The following DIP2C variants were observed in gnomAD, a reference collection of about 807,000 sequenced individuals.
The protein encoded by DIP2C is DIP2 acetate--CoA ligase C (putative), also known as disco-interacting protein 2 homolog C.
A neutral mutation model predicts 192.4 loss-of-function variants in DIP2C; 33 were observed. That is an observed-to-expected ratio of 0.17 (90% CI 0.13 to 0.23). The LOEUF (loss-of-function observed/expected upper bound fraction) is 0.23, where lower values mean the gene tolerates loss of function less well. DIP2C is among the 10% of genes least tolerant of loss of function. The pLI, the probability that DIP2C is intolerant of heterozygous loss-of-function variation, is 1.00. For missense variants in DIP2C, 1,537 were observed against 2,110.1 expected (o/e 0.73, Z 5.32); for synonymous variants, 979 against 864.1 (o/e 1.13, Z -2.33).
At chr10:486,617 C>CAG in intron 1 of DIP2C, 87 bp from the exon 2 acceptor site, 1 of 1,134,314 alleles carries the variant, frequency 8.8e-7, no homozygotes, top group Non-Finnish European at 1.2e-6. Context: ...ACAGTTATCA[C>CAG]AGTATCTTCT....
chr10:613,560 C>T (rs963484671), intron 1 of DIP2C, among the ~76,000 whole-genome samples: 5 of 152,200 alleles, frequency 3.3e-5, no homozygotes, highest in East Asian at 1.9e-4. Flanking sequence ...TGGAAATATG[C>T]GATTCCTTAC....
chr10:283,250 GGC>G lies in DIP2C; in HGVS notation c.4294+20_4294+21del, dbSNP rs768083759. ...CCTCTCTGCCCATCTGTTGGGGGGGGGCCGCCAGCCTGGACTCTCACCTCCAT... is the reference window on the plus strand; with the variant it reads ...CCTCTCTGCCCATCTGTTGGGGGGGGCGCCAGCCTGGACTCTCACCTCCAT... On this transcript the variant is annotated intron_variant, in intron 35 of 36. Coordinates refer to ENST00000280886, the MANE Select transcript of DIP2C (RefSeq NM_014974.3). 1 of 1,584,244 alleles carries G rather than the reference GGC, an allele frequency of 6.3e-7. No individual in the cohort carries two copies. The highest frequency in any genetic ancestry group is 1.1e-5 in the South Asian group (1 of 89,876).
At chr10:451,372 C>T (rs1968832577) in intron 3 of DIP2C, among the ~76,000 whole-genome samples, 1 of 152,222 alleles carries the variant, frequency 6.6e-6, no homozygotes, top group Non-Finnish European at 1.5e-5. Flanking sequence ...GGGTATTATC[C>T]TATCGCCCTT....
intron 1 of DIP2C, among the ~76,000 whole-genome samples, chr10:590,359 G>A (rs1041373107): frequency 6.6e-6 from 1 of 152,214 alleles, no homozygotes; most frequent in Non-Finnish European, 1.5e-5. Flanking sequence ...ACAGCAAGCT[G>A]TTCCTTGGCT....
chr10:474,729 C>A (rs920453911), intron 2 of DIP2C, among the ~76,000 whole-genome samples: 5 of 152,204 alleles, frequency 3.3e-5, no homozygotes, highest in East Asian at 1.9e-4. Flanking sequence ...CCAGTGAGAC[C>A]GAGTCTTTCG....
chr10:682,333 T>A (rs1044290709), intron 1 of DIP2C, among the ~76,000 whole-genome samples: 2 of 152,200 alleles, frequency 1.3e-5, no homozygotes, highest in Admixed American at 1.3e-4. Context: ...TGATTTAACA[T>A]ACCAATTTTA....
chr10:370,964 T>C (rs915128092), intron 17 of DIP2C, among the ~76,000 whole-genome samples: 11 of 152,152 alleles, frequency 7.2e-5, no homozygotes, highest in Non-Finnish European at 5.9e-5. Flanking sequence ...TCAAAAAGGA[T>C]AGAGCTAACC....
Position 402,319 on chromosome 10 carries a change from T to C in DIP2C, c.1150-3100A>G, listed in dbSNP as rs1474763419. Among the ~76,000 whole-genome samples, 2 of 12,380 alleles carry C rather than the reference T, an allele frequency of 1.6e-4. 1 individual carries two copies. Among genetic ancestry groups the C allele is most frequent in the African/African-American group, 1.8e-4 (2 of 11,180 alleles). 8.1% of individuals were successfully genotyped at this position (12,380 alleles called of 152,430 possible). ...CACATGAATCATGTGATTTTACATG[T>C]GTGGTAGCATTAGCATTACTCTTCC... On this transcript the variant is annotated intron_variant, in intron 9 of 36. Transcript: ENST00000280886.
chr10:324,007 AC>A (rs1450386036), intron 31 of DIP2C, among the ~76,000 whole-genome samples: 1 of 152,018 alleles, frequency 6.6e-6, no homozygotes, highest in East Asian at 1.9e-4. Context: ...CTCTGCACTT[AC>A]GGCTGCCTTC....
At chr10:300,441 T>TA (rs1457090018) in intron 32 of DIP2C, among the ~76,000 whole-genome samples, 4 of 151,314 alleles carry the variant, frequency 2.6e-5, no homozygotes, top group African/African-American at 9.7e-5. Context: ...CTACCTAGAG[T>TA]AGTCAAATTC....
intron 17 of DIP2C, among the ~76,000 whole-genome samples, chr10:371,951 G>C (rs1223409752): frequency 6.6e-6 from 1 of 152,152 alleles, no homozygotes; most frequent in Admixed American, 6.6e-5. Flanking sequence ...CCACATGAAA[G>C]CAAAATGCTA....
chr10:560,869 CTT>C (rs764192025), intron 1 of DIP2C, among the ~76,000 whole-genome samples: 5 of 152,128 alleles, frequency 3.3e-5, no homozygotes, highest in African/African-American at 4.8e-5. Context: ...AACTTAGACT[CTT>C]AGCCTGACGG....
chr10:427,474 A>G (rs1966666417), intron 4 of DIP2C, among the ~76,000 whole-genome samples: 1 of 152,224 alleles, frequency 6.6e-6, no homozygotes, highest in South Asian at 2.1e-4. Context: ...CTGCTACAGA[A>G]CAGTTTGTCC....
intron 1 of DIP2C, among the ~76,000 whole-genome samples, chr10:567,771 G>A (rs1266201929): frequency 6.6e-6 from 1 of 152,050 alleles, no homozygotes; most frequent in Admixed American, 6.6e-5. Flanking sequence ...CAGAGTAGCT[G>A]GGACTATAGG....
At chr10:515,070 A>C (rs1846262288) in intron 1 of DIP2C, among the ~76,000 whole-genome samples, 2 of 152,208 alleles carry the variant, frequency 1.3e-5, no homozygotes, top group Non-Finnish European at 2.9e-5. Flanking sequence ...TAATTTTAAC[A>C]CTTAGTGTTA....
intron 3 of DIP2C, among the ~76,000 whole-genome samples, chr10:449,782 TAAA>T (rs59436219): frequency 7.1e-5 from 9 of 127,254 alleles, no homozygotes; most frequent in South Asian, 2.5e-4. Context: ...AAAGTATAAT[TAAA>T]AAAAAAAAAA....
At chr10:554,572 C>A (rs1848745323) in intron 1 of DIP2C, among the ~76,000 whole-genome samples, 1 of 152,220 alleles carries the variant, frequency 6.6e-6, no homozygotes, top group African/African-American at 2.4e-5. Flanking sequence ...CCATGTGTTC[C>A]CGTGTTCTTG....
intron 1 of DIP2C, among the ~76,000 whole-genome samples, chr10:543,169 A>G (rs1848098614): frequency 6.6e-6 from 1 of 152,204 alleles, no homozygotes; most frequent in African/African-American, 2.4e-5. Context: ...CTTCGCAAGG[A>G]TCGTGTTCCT....
In DIP2C at chr10:500,234, G is replaced by T. The variant is rs1458008845; in HGVS notation, c.86-13704C>A. Among the ~76,000 whole-genome samples the T allele has an allele frequency of 2.6e-5, 4 of 152,248 alleles. No homozygotes were observed. In the East Asian group the frequency reaches 7.7e-4, roughly 29 times the overall value. ...CGTCTGGGGCAAAGGTGGGTTCAGA[G>T]CCAACCCCTGGCCTGTCTCAGGAGC... On this transcript the variant is annotated intron_variant, in intron 1 of 36. Transcript: ENST00000280886.
Sources: allele counts gnomAD v4.1 joint callset (sites outside exome capture counted in the v4.1 genomes callset), GRCh38; gene constraint gnomAD v4.1.1; transcripts MANE v1.5; gene names NCBI Gene and HGNC (gene_info 2026-07-23, HGNC 2026-07-21).